The following SAMMSON variants were observed in gnomAD, a reference collection of about 807,000 sequenced individuals.
SAMMSON encodes the protein survival associated mitochondrial melanoma specific oncogenic non-coding RNA.
rs533419032 is a variant in SAMMSON at position 70,309,767 on chromosome 3, C to A, written n.739+18524C>A. ...TGTCATCTAGCATCTGGCTCAATTTCCTTTTATGAAATATAGTAAACATAA... is the reference window on the plus strand; with the variant it reads ...TGTCATCTAGCATCTGGCTCAATTTACTTTTATGAAATATAGTAAACATAA... On this transcript the variant is annotated intron_variant and non_coding_transcript_variant, in intron 7 of 9. Transcript: ENST00000642114. Among the ~76,000 whole-genome samples the A allele has an allele frequency of 2.0e-5, 3 of 152,220 alleles. No homozygotes were observed. The South Asian group carries it at 6.2e-4, about 32-fold the overall frequency.
intron 4 of SAMMSON, among the ~76,000 whole-genome samples, chr3:70,116,728 G>A (rs889964850): frequency 6.6e-6 from 1 of 152,138 alleles, no homozygotes; most frequent in East Asian, 1.9e-4. Flanking sequence ...GAAGAAAAGG[G>A]ATAGAAACAA....
At chr3:70,137,876 G>A (rs748324906) in intron 4 of SAMMSON, among the ~76,000 whole-genome samples, 17 of 152,130 alleles carry the variant, frequency 1.1e-4, no homozygotes, top group Non-Finnish European at 2.5e-4. Flanking sequence ...CATTTCACAT[G>A]TGACTAGTGA....
At chr3:70,188,008 C>A (rs1465461530) in intron 4 of SAMMSON, among the ~76,000 whole-genome samples, 1 of 152,120 alleles carries the variant, frequency 6.6e-6, no homozygotes, top group Non-Finnish European at 1.5e-5. Flanking sequence ...GCAGCCACCC[C>A]ACCTTTCCCC....
chr3:70,223,176 A>C (rs1701475525), intron 4 of SAMMSON, among the ~76,000 whole-genome samples: 1 of 152,200 alleles, frequency 6.6e-6, no homozygotes, highest in South Asian at 2.1e-4. Context: ...ACAGGGTGCT[A>C]ACATGTGAAA....
intron 3 of SAMMSON, among the ~76,000 whole-genome samples, chr3:70,061,566 C>T (rs1051969983): frequency 2.6e-5 from 4 of 152,232 alleles, no homozygotes; most frequent in Non-Finnish European, 4.4e-5. Flanking sequence ...TGCCCACTTT[C>T]CACAGGGCAT....
intron 9 of SAMMSON, among the ~76,000 whole-genome samples, chr3:70,363,535 C>A (rs1006091173): frequency 1.3e-5 from 2 of 151,790 alleles, no homozygotes; most frequent in Non-Finnish European, 2.9e-5. Context: ...TTTCTATACA[C>A]CAAAAAGAAA....
At chr3:70,186,793 G>A (rs1045539176) in intron 4 of SAMMSON, among the ~76,000 whole-genome samples, 4 of 152,134 alleles carry the variant, frequency 2.6e-5, no homozygotes, top group African/African-American at 9.7e-5. Context: ...CTTTGCATTT[G>A]TCTCTTGCCA....
At chr3:70,372,428 C>T (rs1338717286) in intron 9 of SAMMSON, among the ~76,000 whole-genome samples, 1 of 152,066 alleles carries the variant, frequency 6.6e-6, no homozygotes, top group Admixed American at 6.6e-5. Flanking sequence ...TCTGCTGCCT[C>T]GGCCTCCTGA....
chr3:70,118,361 G>A (rs1237420282), intron 4 of SAMMSON, among the ~76,000 whole-genome samples: 1 of 152,158 alleles, frequency 6.6e-6, no homozygotes, highest in African/African-American at 2.4e-5. Flanking sequence ...CTTTATGCCA[G>A]CAAGTTCAAA....
chr3:70,062,650 A>G (rs2067194498), intron 3 of SAMMSON, among the ~76,000 whole-genome samples: 1 of 151,940 alleles, frequency 6.6e-6, no homozygotes, highest in African/African-American at 2.4e-5. Context: ...TGTGACTTTT[A>G]TCCTCCCTCT....
chr3:70,147,708 T>A (rs944415086), intron 4 of SAMMSON, among the ~76,000 whole-genome samples: 1 of 149,670 alleles, frequency 6.7e-6, no homozygotes, highest in Non-Finnish European at 1.5e-5. Flanking sequence ...GAAGAAAACA[T>A]GGAGGAAAAC....
intron 4 of SAMMSON, chr3:70,125,023 C>T (rs2067450720): frequency 5.7e-6 from 4 of 703,946 alleles, no homozygotes; most frequent in Non-Finnish European, 7.7e-6. Context: ...AGTTGGAAAG[C>T]CCTTGAAAGA....
chr3:70,327,577 A>G (rs1165378924), intron 7 of SAMMSON, among the ~76,000 whole-genome samples: 2 of 152,164 alleles, frequency 1.3e-5, no homozygotes, highest in Non-Finnish European at 2.9e-5. Flanking sequence ...ATATGGCTCA[A>G]TCCGTCCAAG....
At chr3:70,375,785 A>G (rs1180378875) in intron 9 of SAMMSON, among the ~76,000 whole-genome samples, 1 of 151,840 alleles carries the variant, frequency 6.6e-6, no homozygotes, top group Non-Finnish European at 1.5e-5. Context: ...TGAGGCTCTC[A>G]CCTTCAGGAA....
intron 3 of SAMMSON, among the ~76,000 whole-genome samples, chr3:70,022,723 C>A (rs1174545167): frequency 1.3e-5 from 2 of 152,156 alleles, no homozygotes; most frequent in African/African-American, 4.8e-5. Context: ...TTAAATAATT[C>A]ACTGATTCTC....
intron 2 of SAMMSON, among the ~76,000 whole-genome samples, chr3:70,408,114 G>T (rs1701190782): frequency 6.6e-6 from 1 of 152,172 alleles, no homozygotes; most frequent in Non-Finnish European, 1.5e-5. Context: ...TGGGACACAT[G>T]GCACCAAGTC....
At chr3:70,283,133 T>G (rs1425806535) in intron 6 of SAMMSON, among the ~76,000 whole-genome samples, 1 of 152,172 alleles carries the variant, frequency 6.6e-6, no homozygotes, top group Non-Finnish European at 1.5e-5. Context: ...GCATTTATCT[T>G]GACATCAACA....
At chr3:70,133,802 T>G (rs1000380041) in intron 4 of SAMMSON, among the ~76,000 whole-genome samples, 1 of 152,170 alleles carries the variant, frequency 6.6e-6, no homozygotes, top group Non-Finnish European at 1.5e-5. Flanking sequence ...TGTTTTTTCC[T>G]TACTCAGTCA....
At chr3:70,269,963 C>T (rs895452138) in intron 6 of SAMMSON, among the ~76,000 whole-genome samples, 1 of 151,782 alleles carries the variant, frequency 6.6e-6, no homozygotes, top group Non-Finnish European at 1.5e-5. Context: ...GAAAATGATC[C>T]TCAAATAAAG....
Sources: allele counts gnomAD v4.1 joint callset (sites outside exome capture counted in the v4.1 genomes callset), GRCh38; gene constraint gnomAD v4.1.1; transcripts MANE v1.5; gene names NCBI Gene and HGNC (gene_info 2026-07-23, HGNC 2026-07-21).